TGFBR3: variants seen among roughly 807,000 people sequenced by gnomAD.
TGFBR3 encodes transforming growth factor beta receptor type 3.
In TGFBR3, 46 loss-of-function variants were observed where a neutral mutation model predicts 87.9. The observed-to-expected ratio is 0.52, with a 90% CI of 0.41 to 0.67. The LOEUF (loss-of-function observed/expected upper bound fraction) is 0.67, where lower values mean the gene tolerates loss of function less well. TGFBR3 is among the 30% of genes least tolerant of loss of function. TGFBR3 has a pLI of 0.00. For synonymous variants in TGFBR3, 381 were observed against 391.6 expected (o/e 0.97, Z 0.32); for missense variants, 866 against 1,041.9 (o/e 0.83, Z 2.32).
At chr1:91,753,502 T>C (rs1335274486) in intron 4 of TGFBR3, among the ~76,000 whole-genome samples, 3 of 152,042 alleles carry the variant, frequency 2.0e-5, no homozygotes, top group Non-Finnish European at 2.9e-5. Flanking sequence ...CAATTCAGTG[T>C]TTCTGTGTGT....
intron 16 of TGFBR3, among the ~76,000 whole-genome samples, chr1:91,689,840 T>TAAAAAAAAAAAAAA (rs545760131): frequency 6.0e-5 from 6 of 99,282 alleles, no homozygotes; most frequent in Admixed American, 2.4e-4. Flanking sequence ...AGAAACTGAT[T>TAAAAAAAAAAAAAA]AAAAAAAAAA....
At chr1:91,904,047 C>T (rs963845094) in intron 1 of TGFBR3, among the ~76,000 whole-genome samples, 11 of 152,030 alleles carry the variant, frequency 7.2e-5, no homozygotes, top group South Asian at 2.1e-4. Flanking sequence ...CCTGGTGGCG[C>T]GTTCCTATAA....
chr1:91,892,474 G>T (rs1679470620), intron 2 of TGFBR3, among the ~76,000 whole-genome samples: 1 of 152,176 alleles, frequency 6.6e-6, no homozygotes, highest in East Asian at 1.9e-4. Context: ...AAAAAGACAA[G>T]GGGCACCCGG....
chr1:91,739,704 A>C (rs537332354), intron 4 of TGFBR3, among the ~76,000 whole-genome samples: 49 of 152,308 alleles, frequency 3.2e-4, no homozygotes, highest in Middle Eastern at 3.4e-3. Flanking sequence ...ACCCTGCTGC[A>C]TTAGTCCATT....
At chr1:91,770,277 G>T (rs950192143) in intron 3 of TGFBR3, among the ~76,000 whole-genome samples, 2 of 146,984 alleles carry the variant, frequency 1.4e-5, no homozygotes, top group Non-Finnish European at 3.0e-5. Context: ...ACCCTAAATA[G>T]ACTTTATCCC....
chr1:91,698,739 C>A (rs2100724642), intron 14 of TGFBR3, among the ~76,000 whole-genome samples: 2 of 152,218 alleles, frequency 1.3e-5, no homozygotes, highest in Middle Eastern at 6.8e-3. Flanking sequence ...TGGGCTCAAG[C>A]AATCCATCCA....
chr1:91,850,080 C>CAAAAAAA (rs376631972), intron 2 of TGFBR3, among the ~76,000 whole-genome samples: 2 of 52,138 alleles, frequency 3.8e-5, no homozygotes, highest in Non-Finnish European at 3.9e-5. Flanking sequence ...GACTCCATCT[C>CAAAAAAA]AAAAAAAAAA....
chr1:91,904,336 T>G (rs1679798039), intron 1 of TGFBR3, among the ~76,000 whole-genome samples: 1 of 151,310 alleles, frequency 6.6e-6, no homozygotes, highest in Non-Finnish European at 1.5e-5. Context: ...AGGGCTTAGA[T>G]TTGGGTTCTA....
At chr1:91,687,334 AG>A (rs1378774493) in intron 16 of TGFBR3, among the ~76,000 whole-genome samples, 2 of 152,194 alleles carry the variant, frequency 1.3e-5, no homozygotes, top group Non-Finnish European at 2.9e-5. Flanking sequence ...TGTCTCTACC[AG>A]GGGGAAGAAG....
chr1:91,759,830 G>A (rs1673895442), intron 3 of TGFBR3, among the ~76,000 whole-genome samples: 1 of 152,238 alleles, frequency 6.6e-6, no homozygotes, highest in Non-Finnish European at 1.5e-5. Context: ...GAATCCTCAT[G>A]AGGATGACAT....
chr1:91,795,757 C>G (rs1675359393), intron 3 of TGFBR3, among the ~76,000 whole-genome samples: 1 of 152,160 alleles, frequency 6.6e-6, no homozygotes, highest in African/African-American at 2.4e-5. Context: ...AACTCTCCCC[C>G]ATCAGTTCAG....
rs562629849 is a variant in TGFBR3, at chr1:91,903,651, C to T, written c.-175+2175G>A. On this transcript the variant is annotated intron_variant, in intron 1 of 17. Coordinates refer to the TGFBR3 transcript ENST00000370399. ...ACTTGGGAGGCTGAGGTGAGAGGAT[C>T]GTTTGAGCTTAGGAGTTCGAGGCTG... Among the ~76,000 whole-genome samples the T allele has an allele frequency of 8.6e-5, 13 of 151,918 alleles. No individual in the cohort carries two copies. In the South Asian group the frequency reaches 2.5e-3, roughly 29 times the overall value.
intron 3 of TGFBR3, among the ~76,000 whole-genome samples, chr1:91,771,978 C>T (rs1674396434): frequency 6.6e-6 from 1 of 151,770 alleles, no homozygotes; most frequent in Non-Finnish European, 1.5e-5. Flanking sequence ...TCTAAGGGGT[C>T]CAGACAAGGA....
chr1:91,897,703 C>T (rs552092524), intron 2 of TGFBR3, among the ~76,000 whole-genome samples: 8 of 151,986 alleles, frequency 5.3e-5, no homozygotes, highest in Non-Finnish European at 8.8e-5. Context: ...TTGTGTGGGC[C>T]GAAATGTGCA....
intron 1 of TGFBR3, among the ~76,000 whole-genome samples, chr1:91,868,525 T>A (rs1478084986): frequency 6.6e-6 from 1 of 152,120 alleles, no homozygotes; most frequent in African/African-American, 2.4e-5. Context: ...GTTACAGGGA[T>A]CTGGCTGCAG....
intron 2 of TGFBR3, among the ~76,000 whole-genome samples, chr1:91,838,602 G>A (rs1677149043): frequency 6.6e-6 from 1 of 150,934 alleles, no homozygotes; most frequent in Non-Finnish European, 1.5e-5. Context: ...GGGACTACAG[G>A]CACCCGTCAT....
At chr1:91,779,279 C>T (rs901795556) in intron 3 of TGFBR3, among the ~76,000 whole-genome samples, 7 of 152,216 alleles carry the variant, frequency 4.6e-5, no homozygotes, top group Non-Finnish European at 1.0e-4. Context: ...TGATATTCCA[C>T]GCACTGTTCT....
intron 1 of TGFBR3, among the ~76,000 whole-genome samples, chr1:91,868,937 A>G (rs1027209327): frequency 6.6e-6 from 1 of 152,208 alleles, no homozygotes; most frequent in African/African-American, 2.4e-5. Flanking sequence ...AAAACTTCAC[A>G]TGGCCACCAA....
At chr1:91,828,468 T>G (rs768839448) in intron 2 of TGFBR3, among the ~76,000 whole-genome samples, 3 of 152,252 alleles carry the variant, frequency 2.0e-5, no homozygotes, top group Non-Finnish European at 2.9e-5. Context: ...AGGACACTTG[T>G]GGTTACGCTT....
Sources: allele counts gnomAD v4.1 joint callset (sites outside exome capture counted in the v4.1 genomes callset), GRCh38; gene constraint gnomAD v4.1.1; transcripts MANE v1.5; gene names NCBI Gene and HGNC (gene_info 2026-07-23, HGNC 2026-07-21).